CSMD3: variants seen among roughly 807,000 people sequenced by gnomAD.
The protein encoded by CSMD3 is CUB and sushi domain-containing protein 3.
A neutral mutation model predicts 435.2 loss-of-function variants in CSMD3; 177 were observed. The ratio of observed to expected loss-of-function variants is 0.41; its 90% CI spans 0.36 to 0.46. The LOEUF is 0.46. Ranked by LOEUF, CSMD3 falls within the 20% of genes least tolerant of loss-of-function variation. The pLI, the probability that CSMD3 is intolerant of heterozygous loss-of-function variation, is 0.34. For missense variants in CSMD3, 4,265 were observed against 4,504.6 expected, an observed-to-expected ratio of 0.95 and a Z score of 1.52; for synonymous variants, 1,656 against 1,520.5, an observed-to-expected ratio of 1.09 and a Z score of -2.07.
intron 10 of CSMD3, among the ~76,000 whole-genome samples, chr8:112,905,172 A>G (rs982514188): frequency 1.3e-5 from 2 of 151,362 alleles, no homozygotes; most frequent in Non-Finnish European, 3.0e-5. Context: ...GGGAAAGGCT[A>G]CAGTGTGAAT....
intron 10 of CSMD3, among the ~76,000 whole-genome samples, chr8:112,917,282 A>T (rs1331579414): frequency 2.0e-5 from 3 of 151,962 alleles, no homozygotes; most frequent in African/African-American, 7.2e-5. Flanking sequence ...ACAAAATAAA[A>T]TTAAATGCTA....
intron 9 of CSMD3, among the ~76,000 whole-genome samples, chr8:112,922,966 C>A (rs1204939143): frequency 6.6e-6 from 1 of 152,082 alleles, no homozygotes; most frequent in African/African-American, 2.4e-5. Flanking sequence ...ACGAAAACTC[C>A]ATTCTTCAAG....
rs185516092 is a variant in CSMD3, at chr8:112,319,079, A to G, written c.7247-129T>C. 1.9e-4 allele frequency: 135 copies of G among 692,716 alleles called. No homozygotes were observed. In the African/African-American group the frequency reaches 2.0e-3, roughly 10 times the overall value. The allele number at this position is 692,716 out of a possible 1,614,324, so 42.9% of individuals were successfully genotyped here. ...AATCAGTATAAAAATGTTATTAGGT[A>G]TAAGTAGGAGTTATATTCAAAATAT... On this transcript the variant is annotated intron_variant, in intron 46 of 70. Transcript: ENST00000297405.
chr8:112,346,422 T>TC (rs1476242279), intron 40 of CSMD3, among the ~76,000 whole-genome samples: 5 of 151,692 alleles, frequency 3.3e-5, no homozygotes, highest in Admixed American at 2.0e-4. Context: ...CATCCTTCCT[T>TC]CCTCAGAAAT....
intron 1 of CSMD3, among the ~76,000 whole-genome samples, chr8:113,414,310 G>C (rs1249068137): frequency 6.6e-6 from 1 of 151,930 alleles, no homozygotes; most frequent in Non-Finnish European, 1.5e-5. Flanking sequence ...TTATTATTTT[G>C]GTAAGAATAG....
intron 11 of CSMD3, among the ~76,000 whole-genome samples, chr8:112,858,749 A>G (rs1315824321): frequency 6.6e-6 from 1 of 151,844 alleles, no homozygotes; most frequent in Non-Finnish European, 1.5e-5. Context: ...TGTGATATAT[A>G]GCAATAGAGA....
chr8:112,926,240 A>ATG (rs71309796), intron 9 of CSMD3, among the ~76,000 whole-genome samples: 5,755 of 150,034 alleles, frequency 0.038, 161 homozygotes, highest in Middle Eastern at 0.052. Flanking sequence ...CTCATTAAAT[A>ATG]TGTGTGTGTG....
At chr8:113,240,281 A>T (rs1336222723) in intron 3 of CSMD3, among the ~76,000 whole-genome samples, 1 of 152,044 alleles carries the variant, frequency 6.6e-6, no homozygotes, top group African/African-American at 2.4e-5. Flanking sequence ...GGTTGATTCC[A>T]TGTCTTTGCT....
chr8:112,472,898 G>A (rs1818671249), intron 31 of CSMD3, among the ~76,000 whole-genome samples, 191 bp from the exon 32 acceptor site: 2 of 152,104 alleles, frequency 1.3e-5, no homozygotes, highest in Non-Finnish European at 2.9e-5. Flanking sequence ...AACTTTATAA[G>A]TATTCAAATT....
intron 22 of CSMD3, among the ~76,000 whole-genome samples, chr8:112,605,593 AAAG>A: frequency 6.6e-6 from 1 of 152,174 alleles, no homozygotes; most frequent in Middle Eastern, 3.4e-3. Context: ...ACATGGAAAC[AAAG>A]AAGGGAACAA....
At chr8:112,244,328 G>T in intron 65 of CSMD3, 66 bp downstream of exon 65, 1 of 1,372,800 alleles carries the variant, frequency 7.3e-7, no homozygotes, top group Non-Finnish European at 1.0e-6. Flanking sequence ...TTGAGTTTTT[G>T]TCTGGAGCAA....
chr8:112,416,693 T>C lies in CSMD3; in HGVS notation c.5396-7661A>G, dbSNP rs199627536. Among the ~76,000 whole-genome samples, 3 of 151,874 alleles carry C rather than the reference T, an allele frequency of 2.0e-5. No individual in the cohort carries two copies. The East Asian group carries it at 5.8e-4, about 29-fold the overall frequency. On this transcript the variant is annotated intron_variant, in intron 32 of 70. Coordinates refer to ENST00000297405, the MANE Select transcript of CSMD3 (RefSeq NM_198123.2). ...ATAATTCAATGATCAGGATTGGAGT[T>C]ATTGAATTAAAAATGAAAATTGAAT...
rs957146650 is a variant in CSMD3, at chr8:112,707,973, T to C, written c.1973-17923A>G. Among the ~76,000 whole-genome samples the C allele has an allele frequency of 2.0e-5, 3 of 152,056 alleles. No homozygotes were observed. The East Asian group carries it at 5.8e-4, about 29-fold the overall frequency. On this transcript the variant is annotated intron_variant, in intron 13 of 70. Coordinates refer to ENST00000297405, the MANE Select transcript of CSMD3 (RefSeq NM_198123.2). Reference sequence around the variant, plus strand: ...CACATAGGCTGTAAAATTTAAAAAGTTGACCAAAATAAAGATTCTGTATAT... The same window carrying C: ...CACATAGGCTGTAAAATTTAAAAAGCTGACCAAAATAAAGATTCTGTATAT...
chr8:112,844,444 T>C (rs1197506121), intron 11 of CSMD3, among the ~76,000 whole-genome samples: 1 of 151,986 alleles, frequency 6.6e-6, no homozygotes, highest in Non-Finnish European at 1.5e-5. Context: ...TGTAGCTAAG[T>C]ATGAGAATGT....
At chr8:112,542,473 A>G (rs1161276357) in intron 27 of CSMD3, among the ~76,000 whole-genome samples, 1 of 152,038 alleles carries the variant, frequency 6.6e-6, no homozygotes, top group Non-Finnish European at 1.5e-5. Context: ...TTCAGGATAC[A>G]AAATCAACAT....
chr8:112,455,918 G>T (rs886367042), intron 32 of CSMD3, among the ~76,000 whole-genome samples: 2 of 151,796 alleles, frequency 1.3e-5, no homozygotes, highest in Admixed American at 6.6e-5. Flanking sequence ...TCATATTTTT[G>T]AAAATGCTGC....
At chr8:112,827,453 T>C (rs574750910) in intron 12 of CSMD3, among the ~76,000 whole-genome samples, 7 of 151,822 alleles carry the variant, frequency 4.6e-5, no homozygotes, top group Non-Finnish European at 1.0e-4. Context: ...GTCCATGTTT[T>C]TAAGAATCTG....
chr8:112,925,500 T>G (rs1417164416), intron 9 of CSMD3, among the ~76,000 whole-genome samples: 1 of 151,970 alleles, frequency 6.6e-6, no homozygotes, highest in East Asian at 1.9e-4. Flanking sequence ...GAAGTGGAAC[T>G]TGCAGTGAGC....
At chr8:112,720,887 A>G (rs963736860) in intron 13 of CSMD3, among the ~76,000 whole-genome samples, 1 of 152,196 alleles carries the variant, frequency 6.6e-6, no homozygotes, top group African/African-American at 2.4e-5. Context: ...TCTTCAAGAG[A>G]AATTTGTATG....
Sources: gnomAD v4.1 joint callset for allele counts (sites outside exome capture counted in the v4.1 genomes callset) on GRCh38, gnomAD v4.1.1 for gene constraint, MANE v1.5 for transcripts, NCBI Gene and HGNC (gene_info 2026-07-23, HGNC 2026-07-21) for gene names.